Variants in SUMF1 observed in about 807,000 individuals in gnomAD.
The protein encoded by SUMF1 is formylglycine-generating enzyme.
SUMF1 carries 48 observed loss-of-function variants against 47.6 expected under a neutral mutation model. That is an observed-to-expected ratio of 1.01 (90% CI 0.80 to 1.28). The LOEUF is 1.28. Ranked by LOEUF, SUMF1 falls within the 50% of genes most tolerant of loss-of-function variation. The pLI, the probability that SUMF1 is intolerant of heterozygous loss-of-function variation, is 0.00. For synonymous variants in SUMF1, 230 were observed against 192.1 expected (o/e 1.20, Z -1.63); for missense variants, 571 against 485.4 (o/e 1.18, Z -1.66).
At chr3:4,335,969 A>C (rs112388827) in intron 8 of SUMF1, among the ~76,000 whole-genome samples, 104 of 84,000 alleles carry the variant, frequency 1.2e-3, no homozygotes, top group Admixed American at 2.5e-3. Context: ...TCAAAAAAAA[A>C]AAAAAAAAAA....
intron 8 of SUMF1, among the ~76,000 whole-genome samples, chr3:4,151,570 C>T (rs138027147): frequency 0.021 from 3,121 of 145,942 alleles, 247 homozygotes; most frequent in African/African-American, 0.075. Flanking sequence ...CACACACACA[C>T]ACACACACAC....
At chr3:4,201,732 G>C (rs1317286676) in intron 8 of SUMF1, among the ~76,000 whole-genome samples, 1 of 151,972 alleles carries the variant, frequency 6.6e-6, no homozygotes, top group Admixed American at 6.6e-5. Context: ...GTTTTTCATA[G>C]TGACTGTACT....
intron 8 of SUMF1, among the ~76,000 whole-genome samples, chr3:4,177,286 G>A (rs1235032519): frequency 6.6e-6 from 1 of 152,080 alleles, no homozygotes; most frequent in Non-Finnish European, 1.5e-5. Flanking sequence ...CACATAATTG[G>A]AAGTAAAGCA....
intron 8 of SUMF1, among the ~76,000 whole-genome samples, chr3:4,271,424 G>C (rs1325051155): frequency 6.6e-6 from 1 of 152,004 alleles, no homozygotes; most frequent in Non-Finnish European, 1.5e-5. Flanking sequence ...ATCCTTGACT[G>C]AATGTTTAAA....
chr3:4,139,943 CT>C (rs1481139936), intron 8 of SUMF1, among the ~76,000 whole-genome samples: 2 of 152,088 alleles, frequency 1.3e-5, no homozygotes, highest in African/African-American at 4.8e-5. Flanking sequence ...ACTTTTCTGT[CT>C]CTTTTAGCCA....
chr3:4,368,367 A>G (rs1390739568), intron 8 of SUMF1, among the ~76,000 whole-genome samples: 1 of 152,212 alleles, frequency 6.6e-6, no homozygotes, highest in Non-Finnish European at 1.5e-5. Flanking sequence ...GGAGAAATAG[A>G]GACACTTTTG....
intron 9 of SUMF1, among the ~76,000 whole-genome samples, chr3:4,055,047 G>C (rs1181703859): frequency 2.0e-5 from 3 of 152,176 alleles, no homozygotes; most frequent in Non-Finnish European, 4.4e-5. Flanking sequence ...GACTTCGCTA[G>C]TTCACGTCTT....
chr3:4,294,429 T>G (rs1242226769), intron 8 of SUMF1, among the ~76,000 whole-genome samples: 6 of 152,066 alleles, frequency 3.9e-5, no homozygotes, highest in Non-Finnish European at 8.8e-5. Context: ...CCAGGCATCA[T>G]AGTGTGTGCC....
chr3:4,345,139 A>C (rs1341663767), intron 8 of SUMF1, among the ~76,000 whole-genome samples: 4 of 152,254 alleles, frequency 2.6e-5, no homozygotes, highest in Non-Finnish European at 5.9e-5. Context: ...GAACGTCCCC[A>C]ACCTAGCAAG....
chr3:4,101,011 T>G (rs537305705), intron 8 of SUMF1, among the ~76,000 whole-genome samples: 2 of 152,124 alleles, frequency 1.3e-5, no homozygotes, highest in East Asian at 3.9e-4. Flanking sequence ...TAACAAGTAT[T>G]GCCAAGGATG....
intron 8 of SUMF1, chr3:4,312,769 G>A: frequency 1.9e-6 from 2 of 1,049,074 alleles, no homozygotes; most frequent in Non-Finnish European, 2.7e-6. Context: ...TTAGTATGCT[G>A]TGTTTTGACA....
At chr3:4,235,639 A>G (rs1408454442) in intron 8 of SUMF1, among the ~76,000 whole-genome samples, 2 of 152,120 alleles carry the variant, frequency 1.3e-5, no homozygotes, top group African/African-American at 2.4e-5. Context: ...TATTACCTCT[A>G]TGTACTTACA....
intron 8 of SUMF1, chr3:4,316,119 C>A: frequency 1.4e-5 from 7 of 486,358 alleles, no homozygotes; most frequent in East Asian, 3.4e-5. Context: ...GGAATACATT[C>A]TTAAATGTGG....
At position 4,343,347 on chromosome 3, in the gene SUMF1, AT is replaced by A. The variant is rs574473411; in HGVS notation, c.1014+32982del. On this transcript the variant is annotated intron_variant and NMD_transcript_variant, in intron 8 of 12. Coordinates refer to the SUMF1 transcript ENST00000448413. ...ACCAAACCACAGGGATAAAAAGAGC[AT>A]GGCAATTACACACAGTTAAGAGGTC... is the stretch of plus-strand genomic sequence containing the variant. Among the ~76,000 whole-genome samples, 72 of 152,380 alleles carry A rather than the reference AT, an allele frequency of 4.7e-4. 1 individual carries two copies. The highest frequency in any genetic ancestry group is 1.7e-3 in the African/African-American group (69 of 41,592).
At chr3:4,075,554 C>T (rs1316198575) in intron 8 of SUMF1, among the ~76,000 whole-genome samples, 2 of 152,068 alleles carry the variant, frequency 1.3e-5, no homozygotes, top group East Asian at 1.9e-4. Context: ...CAAATTGTCT[C>T]TGTTTGCAGA....
chr3:4,158,081 G>C (rs1023728291), intron 8 of SUMF1, among the ~76,000 whole-genome samples: 1 of 151,596 alleles, frequency 6.6e-6, no homozygotes, highest in Non-Finnish European at 1.5e-5. Context: ...AAGAGCATCT[G>C]CCCTGTGCCA....
At chr3:4,253,276 G>C (rs1351161877) in intron 8 of SUMF1, among the ~76,000 whole-genome samples, 1 of 152,172 alleles carries the variant, frequency 6.6e-6, no homozygotes, top group Non-Finnish European at 1.5e-5. Flanking sequence ...GGCCGAATAG[G>C]AACAGCTCCG....
chr3:4,443,125 A>C (rs894668048), intron 3 of SUMF1, among the ~76,000 whole-genome samples: 1 of 151,926 alleles, frequency 6.6e-6, no homozygotes, highest in Non-Finnish European at 1.5e-5. Context: ...AAAAATACAA[A>C]ACATTAGCCG....
chr3:4,449,421 T>C, intron 2 of SUMF1, 81 bp from the exon 3 acceptor site: 2 of 1,340,032 alleles, frequency 1.5e-6, no homozygotes, highest in Non-Finnish European at 2.1e-6. Context: ...TCCACACTAT[T>C]AAAGTGATTC....
Sources: allele counts gnomAD v4.1 joint callset (sites outside exome capture counted in the v4.1 genomes callset), GRCh38; gene constraint gnomAD v4.1.1; transcripts MANE v1.5; gene names NCBI Gene and HGNC (gene_info 2026-07-23, HGNC 2026-07-21).